Variants in ANKAR observed in about 807,000 individuals in gnomAD.
ANKAR encodes ankyrin and armadillo repeat-containing protein.
In ANKAR, 136 loss-of-function variants were observed where a neutral mutation model predicts 146.2. That is an observed-to-expected ratio of 0.93 (90% CI 0.81 to 1.07). The LOEUF is 1.07. Ranked by LOEUF, ANKAR falls within the 50% of genes least tolerant of loss-of-function variation. The pLI is 0.00. For missense variants in ANKAR, 1,567 were observed against 1,679.9 expected (o/e 0.93, Z 1.18); for synonymous variants, 500 against 575.8 (o/e 0.87, Z 1.88).
intron 2 of ANKAR, among the ~76,000 whole-genome samples, chr2:189,686,682 G>T (rs2035650992): frequency 6.6e-6 from 1 of 152,116 alleles, no homozygotes; most frequent in African/African-American, 2.4e-5. Context: ...TATTTTCCTT[G>T]ATCAAAGCTG....
At chr2:189,723,638 G>A (rs1392627625) in intron 12 of ANKAR, among the ~76,000 whole-genome samples, 1 of 151,992 alleles carries the variant, frequency 6.6e-6, no homozygotes, top group Non-Finnish European at 1.5e-5. Context: ...TCTAAAATCT[G>A]AAAACTTTGG....
chr2:189,684,065 A>G (rs779758445), intron 2 of ANKAR, among the ~76,000 whole-genome samples: 1 of 152,224 alleles, frequency 6.6e-6, no homozygotes, highest in Non-Finnish European at 1.5e-5. Context: ...ATAAATTCTT[A>G]GACTCTTTCC....
At chr2:189,689,186 G>A (rs759541004) in intron 2 of ANKAR, among the ~76,000 whole-genome samples, 1 of 152,100 alleles carries the variant, frequency 6.6e-6, no homozygotes, top group East Asian at 1.9e-4. Flanking sequence ...AGTCTGTTCT[G>A]TCAGTCTTAT....
intron 1 of ANKAR, chr2:189,675,855 C>T (rs2033535454): frequency 6.6e-6 from 1 of 152,244 alleles, no homozygotes; most frequent in South Asian, 2.1e-4. Context: ...GCAGAGTGAA[C>T]TCTACCTCTG....
intron 2 of ANKAR, among the ~76,000 whole-genome samples, chr2:189,683,051 G>T (rs1393093820): frequency 3.3e-5 from 5 of 152,132 alleles, no homozygotes; most frequent in African/African-American, 4.8e-5. Flanking sequence ...TATAAAAGAG[G>T]CCCCAGAGAG....
chr2:189,686,166 T>C (rs1254918431), intron 2 of ANKAR, among the ~76,000 whole-genome samples: 1 of 152,122 alleles, frequency 6.6e-6, no homozygotes, highest in Non-Finnish European at 1.5e-5. Flanking sequence ...TGAATTATAG[T>C]GGCCATTTTA....
intron 12 of ANKAR, among the ~76,000 whole-genome samples, chr2:189,721,697 C>T (rs1472117931): frequency 6.6e-6 from 1 of 152,156 alleles, no homozygotes; most frequent in Non-Finnish European, 1.5e-5. Context: ...GCACATTTAA[C>T]AGGTAAGTTC....
intron 18 of ANKAR, among the ~76,000 whole-genome samples, chr2:189,738,239 A>G (rs2043020382): frequency 6.6e-6 from 1 of 152,314 alleles, no homozygotes; most frequent in South Asian, 2.1e-4. Context: ...AACTGTATGT[A>G]TCTGGGAAGT....
Position 189,676,663 on chromosome 2 carries a change from A to C in ANKAR, c.173A>C (p.Lys58Thr). 2.5e-6 allele frequency: 4 copies of C among 1,614,190 alleles called. No individual in the cohort carries two copies. Among genetic ancestry groups the C allele is most frequent in the Non-Finnish European group, 3.4e-6 (4 of 1,180,036 alleles). ...TTALVSWLSA[K>T]EDVRSQVDLP... ...GCACTAGTTAGCTGGTTGTCTGCCA[A>C]AGAGGATGTGCGCTCTCAAGTAGAC... Residue 58 changes from lysine (K) to threonine (T), a missense_variant, in exon 2 of 23, where the codon AAA becomes ACA. Physicochemically the swap from Lys to Thr is moderately conservative, Grantham distance 78. Transcript: ENST00000684021.
chr2:189,716,845 T>G (rs59841166), intron 10 of ANKAR, among the ~76,000 whole-genome samples: 5,120 of 151,952 alleles, frequency 0.034, 299 homozygotes, highest in African/African-American at 0.12. Context: ...GGGGAAAGGA[T>G]TCCCTATTTA....
downstream of ANKAR, among the ~76,000 whole-genome samples, chr2:189,747,968 G>A (rs2044419854): frequency 6.6e-6 from 1 of 151,834 alleles, no homozygotes; most frequent in Non-Finnish European, 1.5e-5. Flanking sequence ...TTACAGGTAT[G>A]AGCCACTGCG....
intron 5 of ANKAR, 39 bp from the exon 6 acceptor site, chr2:189,694,942 A>G: frequency 7.6e-7 from 1 of 1,309,834 alleles, no homozygotes; most frequent in Non-Finnish European, 1.0e-6. Context: ...AATCACTTCA[A>G]AGTTAGAGAA....
intron 10 of ANKAR, among the ~76,000 whole-genome samples, chr2:189,718,212 G>T (rs1264766636): frequency 6.6e-6 from 1 of 152,118 alleles, no homozygotes; most frequent in African/African-American, 2.4e-5. Context: ...CAGCACTTTG[G>T]GAGGCCAAGG....
chr2:189,755,973 G>A (rs986164489), intron 18 of ANKAR, among the ~76,000 whole-genome samples: 1 of 152,268 alleles, frequency 6.6e-6, no homozygotes, highest in East Asian at 1.9e-4. Context: ...TAAACTGGGC[G>A]ATTGTGGGAA....
chr2:189,697,981 C>T (rs556006810), intron 7 of ANKAR, among the ~76,000 whole-genome samples: 17 of 152,118 alleles, frequency 1.1e-4, no homozygotes, highest in Non-Finnish European at 2.4e-4. Context: ...GATACATCTA[C>T]ATAGTCATTT....
At chr2:189,732,319 TTAG>T (rs1400929617) in intron 16 of ANKAR, among the ~76,000 whole-genome samples, 1 of 152,104 alleles carries the variant, frequency 6.6e-6, no homozygotes, top group Non-Finnish European at 1.5e-5. Context: ...GGAGGAAAAA[TTAG>T]TAGTACTATT....
intron 18 of ANKAR, chr2:189,755,651 T>C: frequency 2.2e-6 from 3 of 1,362,700 alleles, no homozygotes; most frequent in Non-Finnish European, 3.0e-6. Context: ...TTCAAGTTAA[T>C]CATTATATAG....
In ANKAR at chr2:189,703,398, G is replaced by T. The variant is rs76569987; in HGVS notation, c.1709-1625G>T. 4.7e-3 allele frequency among the ~76,000 whole-genome samples: 717 copies of T among 152,194 alleles called. 3 individuals carry two copies. The highest frequency in any genetic ancestry group is 0.016 in the African/African-American group (669 of 41,508). Reference sequence around the variant, plus strand: ...CTGGTTATGGAGAAGGAAATAAGAGGGAGGTGCCAAAGAGTCTTCCAGATT... The same window carrying T: ...CTGGTTATGGAGAAGGAAATAAGAGTGAGGTGCCAAAGAGTCTTCCAGATT... On this transcript the variant is annotated intron_variant, in intron 7 of 22. Coordinates refer to ENST00000684021, the MANE Select transcript of ANKAR (RefSeq NM_001378068.1).
At position 189,678,307 on chromosome 2, in the gene ANKAR, T is replaced by C. The variant is rs2034082024; in HGVS notation, c.601+1216T>C. Among the ~76,000 whole-genome samples, 5 of 152,188 alleles carry C rather than the reference T, an allele frequency of 3.3e-5. No individual in the cohort carries two copies. The South Asian group carries it at 1.0e-3, about 31-fold the overall frequency. On this transcript the variant is annotated intron_variant, in intron 2 of 22. Transcript: ENST00000684021. ...GGATTGTTTGTTTTTTTCTTGCTAATTTGTTTGAGTTCCTGGTAGATTCCG... is the reference window on the plus strand; with the variant it reads ...GGATTGTTTGTTTTTTTCTTGCTAACTTGTTTGAGTTCCTGGTAGATTCCG...
Sources: allele counts gnomAD v4.1 joint callset (sites outside exome capture counted in the v4.1 genomes callset), GRCh38; gene constraint gnomAD v4.1.1; transcripts MANE v1.5; gene names NCBI Gene and HGNC (gene_info 2026-07-23, HGNC 2026-07-21).